NCOA2: variants seen among roughly 807,000 people sequenced by gnomAD.
NCOA2 encodes nuclear receptor coactivator 2.
A neutral mutation model predicts 145.1 loss-of-function variants in NCOA2; 21 were observed. The ratio of observed to expected loss-of-function variants is 0.14; its 90% CI spans 0.10 to 0.21. The LOEUF (loss-of-function observed/expected upper bound fraction) is 0.21, where lower values mean the gene tolerates loss of function less well. NCOA2 is among the 10% of genes least tolerant of loss of function. The probability of loss-of-function intolerance (pLI) is 1.00; values close to 1 mark genes in which losing one functional copy is unlikely to be tolerated. For missense variants in NCOA2, 1,472 were observed against 1,837.6 expected, an observed-to-expected ratio of 0.80 and a Z score of 3.64; for synonymous variants, 619 against 637.5, an observed-to-expected ratio of 0.97 and a Z score of 0.44.
the NCOA2 span, among the ~76,000 whole-genome samples, chr8:70,433,414 C>T: frequency 6.6e-6 from 1 of 151,772 alleles, no homozygotes; most frequent in Non-Finnish European, 1.5e-5. Flanking sequence ...GACATGTTTT[C>T]CATTCTATAT....
At chr8:70,394,255 A>C (rs1291250576) in intron 1 of NCOA2, among the ~76,000 whole-genome samples, 1 of 152,212 alleles carries the variant, frequency 6.6e-6, no homozygotes, top group Non-Finnish European at 1.5e-5. Flanking sequence ...TCCTGGGTTC[A>C]AGCAATTCTC....
chr8:70,238,633 G>A (rs114191083), intron 2 of NCOA2, among the ~76,000 whole-genome samples: 82 of 152,240 alleles, frequency 5.4e-4, no homozygotes, highest in African/African-American at 2.0e-3. Context: ...TTGAAAAGAC[G>A]AACATGTCAT....
intron 4 of NCOA2, among the ~76,000 whole-genome samples, chr8:70,198,860 T>C (rs1817607804): frequency 6.6e-6 from 1 of 152,022 alleles, no homozygotes; most frequent in South Asian, 2.1e-4. Flanking sequence ...CGGGTTTGGT[T>C]TGAGAGTATC....
intron 1 of NCOA2, among the ~76,000 whole-genome samples, chr8:70,367,954 T>C (rs1348618796): frequency 6.6e-6 from 1 of 152,218 alleles, no homozygotes; most frequent in Non-Finnish European, 1.5e-5. Flanking sequence ...AAAATACTGT[T>C]ACATAGAAGT....
chr8:70,315,795 G>A (rs1563755266), intron 1 of NCOA2, among the ~76,000 whole-genome samples: 1 of 152,192 alleles, frequency 6.6e-6, no homozygotes, highest in Non-Finnish European at 1.5e-5. Context: ...CCTGCCACAA[G>A]CCTCATCCAC....
intron 2 of NCOA2, among the ~76,000 whole-genome samples, chr8:70,241,562 C>G (rs1447172020): frequency 2.6e-5 from 4 of 152,146 alleles, no homozygotes; most frequent in African/African-American, 9.7e-5. Context: ...TAGTTCCCTC[C>G]TTGTCCATTA....
intron 11 of NCOA2, among the ~76,000 whole-genome samples, chr8:70,153,821 G>A (rs767777140): frequency 6.6e-6 from 1 of 152,184 alleles, no homozygotes; most frequent in Non-Finnish European, 1.5e-5. Context: ...CAGTGTTACG[G>A]AACAGCTGCT....
intron 2 of NCOA2, 124 bp from the exon 3 acceptor site, chr8:70,216,888 A>ACG (rs397774282): frequency 4.7e-6 from 3 of 637,366 alleles, no homozygotes; most frequent in East Asian, 2.6e-5. Context: ...AGTAATTAAC[A>ACG]TTGTTTTATG....
chr8:70,213,934 A>G lies in NCOA2; in HGVS notation c.228T>C (p.Thr76=), dbSNP rs771945808. 1.0e-4 allele frequency: 163 copies of G among 1,605,544 alleles called. No homozygotes were observed. The highest frequency in any genetic ancestry group is 1.3e-4 in the Non-Finnish European group (153 of 1,176,182). ...CTTTGATCTGACGAATTTGCTTCAC[A>G]GTTTCTTTTAAGATTGCACATTTGT... is the stretch of plus-strand genomic sequence containing the variant. ...KPDKCAILKE[T]VKQIRQIKEQ... Residue 76 remains threonine, a synonymous_variant, in exon 4 of 23, where the codon ACT becomes ACC. Coordinates refer to ENST00000452400, the MANE Select transcript of NCOA2 (RefSeq NM_006540.4).
At chr8:70,209,835 T>C (rs1818830010) in intron 4 of NCOA2, among the ~76,000 whole-genome samples, 1 of 152,258 alleles carries the variant, frequency 6.6e-6, no homozygotes, top group Non-Finnish European at 1.5e-5. Flanking sequence ...TTGCTTTATT[T>C]TATATTCGCT....
At chr8:70,303,874 A>G (rs997687711) in intron 1 of NCOA2, among the ~76,000 whole-genome samples, 4 of 152,136 alleles carry the variant, frequency 2.6e-5, no homozygotes, top group Non-Finnish European at 5.9e-5. Flanking sequence ...CCCCACCAAG[A>G]CTAGAGCATG....
chr8:70,427,862 G>T, the NCOA2 span, among the ~76,000 whole-genome samples: 21 of 152,286 alleles, frequency 1.4e-4, no homozygotes, highest in South Asian at 4.1e-3. Context: ...GTCAAACCAG[G>T]CAGGGTATAA....
At chr8:70,382,202 A>T (rs1812255643) in intron 1 of NCOA2, among the ~76,000 whole-genome samples, 1 of 152,050 alleles carries the variant, frequency 6.6e-6, no homozygotes, top group African/African-American at 2.4e-5. Flanking sequence ...TAGGATCAGG[A>T]GAGGAGAGTG....
the NCOA2 span, among the ~76,000 whole-genome samples, chr8:70,414,493 G>A: frequency 2.0e-5 from 3 of 152,084 alleles, no homozygotes; most frequent in Non-Finnish European, 4.4e-5. Context: ...GTGACTTTGA[G>A]TATTCCCCGA....
intron 4 of NCOA2, among the ~76,000 whole-genome samples, chr8:70,210,224 G>A (rs1173094643): frequency 2.6e-5 from 4 of 152,144 alleles, no homozygotes; most frequent in Non-Finnish European, 5.9e-5. Flanking sequence ...TTTTGAGTAC[G>A]AAATAGGTTA....
At chr8:70,264,934 T>C (rs1351228198) in intron 2 of NCOA2, among the ~76,000 whole-genome samples, 2 of 152,050 alleles carry the variant, frequency 1.3e-5, no homozygotes, top group South Asian at 4.1e-4. Context: ...ATACTAAATA[T>C]TATAAACAAA....
intron 1 of NCOA2, among the ~76,000 whole-genome samples, chr8:70,384,902 T>C (rs1400729041): frequency 6.6e-6 from 1 of 152,190 alleles, no homozygotes; most frequent in Non-Finnish European, 1.5e-5. Context: ...GAATCAGACC[T>C]ACCAAGTGCT....
chr8:70,307,940 A>C (rs951008756), intron 1 of NCOA2, among the ~76,000 whole-genome samples: 3 of 152,236 alleles, frequency 2.0e-5, no homozygotes, highest in Non-Finnish European at 2.9e-5. Flanking sequence ...GTAACATACT[A>C]AACTGGCTGC....
chr8:70,287,944 T>C (rs1364269222), intron 2 of NCOA2, among the ~76,000 whole-genome samples: 1 of 152,170 alleles, frequency 6.6e-6, no homozygotes, highest in Non-Finnish European at 1.5e-5. Flanking sequence ...TGTTTGTTTG[T>C]TTGTTTTAAG....
Sources: gnomAD v4.1 joint callset for allele counts (sites outside exome capture counted in the v4.1 genomes callset) on GRCh38, gnomAD v4.1.1 for gene constraint, MANE v1.5 for transcripts, NCBI Gene and HGNC (gene_info 2026-07-23, HGNC 2026-07-21) for gene names.